Variants in OPCML observed in about 807,000 individuals in gnomAD.
OPCML encodes opioid binding protein/cell adhesion molecule like.
OPCML carries 13 observed loss-of-function variants against 37.8 expected under a neutral mutation model. That is an observed-to-expected ratio of 0.34 (90% CI 0.22 to 0.55). The LOEUF is 0.55. Among genes scored for constraint, OPCML ranks in the 20% least tolerant of loss-of-function variants. The pLI, the probability that OPCML is intolerant of heterozygous loss-of-function variation, is 0.91. For synonymous variants in OPCML, 176 were observed against 168.8 expected, an observed-to-expected ratio of 1.04 and a Z score of -0.33; for missense variants, 341 against 435.6, an observed-to-expected ratio of 0.78 and a Z score of 1.93.
At chr11:132,882,813 A>C (rs542665564) in intron 2 of OPCML, among the ~76,000 whole-genome samples, 2 of 152,204 alleles carry the variant, frequency 1.3e-5, no homozygotes, top group Non-Finnish European at 2.9e-5. Context: ...TGCATAGGCC[A>C]TAAGAGGTTT....
intron 3 of OPCML, among the ~76,000 whole-genome samples, chr11:132,561,706 T>C (rs964092891): frequency 6.6e-6 from 1 of 152,240 alleles, no homozygotes; most frequent in African/African-American, 2.4e-5. Context: ...TTTCTGTGAA[T>C]TTAAATTCTG....
chr11:133,046,295 T>C (rs191690218), intron 1 of OPCML, among the ~76,000 whole-genome samples: 2 of 152,292 alleles, frequency 1.3e-5, no homozygotes, highest in African/African-American at 4.8e-5. Flanking sequence ...GGCAGTGTGT[T>C]TACAGAGACA....
chr11:132,965,458 A>G (rs1946193037), intron 1 of OPCML, among the ~76,000 whole-genome samples: 1 of 152,062 alleles, frequency 6.6e-6, no homozygotes, highest in African/African-American at 2.4e-5. Flanking sequence ...AATTTCTGGG[A>G]ATTTAGCTAT....
chr11:133,102,423 A>G (rs886880049), intron 1 of OPCML, among the ~76,000 whole-genome samples: 8 of 152,220 alleles, frequency 5.3e-5, no homozygotes, highest in African/African-American at 1.9e-4. Flanking sequence ...GCTCTTAAAC[A>G]TCTACTATTC....
Position 132,542,724 on chromosome 11 carries a change from G to C in OPCML, c.380-13538C>G, listed in dbSNP as rs116501433. Among the ~76,000 whole-genome samples, 1,201 of 152,274 alleles carry C rather than the reference G, an allele frequency of 7.9e-3. 20 individuals carry two copies. The highest frequency in any genetic ancestry group is 0.028 in the African/African-American group (1,155 of 41,568). Reference sequence around the variant, plus strand: ...CATGAGTAGCAATGCTGGGGCCCAGGGGGTGTCTCAACTGAGCTGGCTGCC... The same window carrying C: ...CATGAGTAGCAATGCTGGGGCCCAGCGGGTGTCTCAACTGAGCTGGCTGCC... On this transcript the variant is annotated intron_variant, in intron 3 of 7. Coordinates refer to ENST00000524381, the MANE Select transcript of OPCML (RefSeq NM_001012393.5).
intron 4 of OPCML, among the ~76,000 whole-genome samples, chr11:132,507,452 A>G (rs968338616): frequency 1.3e-5 from 2 of 151,968 alleles, no homozygotes; most frequent in East Asian, 1.9e-4. Context: ...ACTTTGTACA[A>G]TGTTTATATA....
intron 1 of OPCML, among the ~76,000 whole-genome samples, chr11:133,171,169 C>T (rs185513566): frequency 2.0e-5 from 3 of 152,288 alleles, no homozygotes; most frequent in Middle Eastern, 3.4e-3. Context: ...ATCCAAACTC[C>T]CATTTTCTTC....
At chr11:133,145,056 A>C (rs1432760992) in intron 1 of OPCML, among the ~76,000 whole-genome samples, 1 of 152,240 alleles carries the variant, frequency 6.6e-6, no homozygotes, top group Non-Finnish European at 1.5e-5. Context: ...GGGAATCAGC[A>C]GAAAACGGCA....
At chr11:132,981,132 C>T (rs1317156064) in intron 1 of OPCML, among the ~76,000 whole-genome samples, 2 of 152,192 alleles carry the variant, frequency 1.3e-5, no homozygotes, top group East Asian at 3.8e-4. Flanking sequence ...TTGATCCAAA[C>T]GTCGTTACGC....
Position 133,480,641 on chromosome 11 carries a change from A to G in OPCML, c.61+51623T>C, listed in dbSNP as rs931627908. On this transcript the variant is annotated intron_variant, in intron 1 of 7. Coordinates refer to ENST00000524381, the MANE Select transcript of OPCML (RefSeq NM_001012393.5). ...TGGATTAAACCTCCTATCATGCATG[A>G]AACTCTTTCTGACCCCTTTTCTGTA... is the stretch of plus-strand genomic sequence containing the variant. Among the ~76,000 whole-genome samples, 6 of 152,338 alleles carry G rather than the reference A, an allele frequency of 3.9e-5. No individual in the cohort carries two copies. The South Asian group carries it at 8.3e-4, about 21-fold the overall frequency.
rs138561096 is a variant in OPCML at position 132,837,269 on chromosome 11, C to T, written c.146+105657G>A. On this transcript the variant is annotated intron_variant, in intron 2 of 7. Coordinates refer to ENST00000524381, the MANE Select transcript of OPCML (RefSeq NM_001012393.5). The stretch of plus-strand genomic sequence containing the variant: ...GCAGAGGTTGCGGTGACCGAGATCG[C>T]GCCATTGCACTCCAGCCTGGGCAAC... 1.5e-3 allele frequency among the ~76,000 whole-genome samples: 230 copies of T among 152,140 alleles called. 1 individual carries two copies. Among genetic ancestry groups the T allele is most frequent in the African/African-American group, 5.2e-3 (217 of 41,494 alleles).
At chr11:132,910,285 G>T (rs1472933859) in intron 2 of OPCML, among the ~76,000 whole-genome samples, 1 of 152,232 alleles carries the variant, frequency 6.6e-6, no homozygotes, top group African/African-American at 2.4e-5. Flanking sequence ...ATATTCGCCG[G>T]CCATTATGCC....
chr11:133,469,992 T>C (rs1947068316), intron 1 of OPCML, among the ~76,000 whole-genome samples: 1 of 152,210 alleles, frequency 6.6e-6, no homozygotes, highest in Admixed American at 6.5e-5. Flanking sequence ...TGCCTTACAG[T>C]AGTCATCATT....
chr11:133,140,189 T>TAATAATAAC (rs1360213476), intron 1 of OPCML, among the ~76,000 whole-genome samples: 2 of 124,608 alleles, frequency 1.6e-5, no homozygotes, highest in African/African-American at 3.3e-5. Flanking sequence ...TCCGTCTCAA[T>TAATAATAAC]AATAATAATA....
intron 1 of OPCML, among the ~76,000 whole-genome samples, chr11:133,451,747 C>A (rs1227106105): frequency 6.6e-6 from 1 of 150,420 alleles, no homozygotes; most frequent in Non-Finnish European, 1.5e-5. Context: ...GAGGCTGAGG[C>A]AGGAGAATTG....
In OPCML at chr11:133,532,281, G is replaced by A; in HGVS notation, c.44C>T (p.Ala15Val). The A allele has an allele frequency of 1.2e-6, 2 of 1,614,026 alleles. No homozygotes were observed. Among genetic ancestry groups the A allele is most frequent in the Non-Finnish European group, 1.7e-6 (2 of 1,179,988 alleles). Reference protein sequence around the residue: ...AYWVVFSATTALLFIPGVPVR... With the variant: ...AYWVVFSATTVLLFIPGVPVR... ...TACGGTACCTGGGATGAAGAGCAGGGCAGTTGTCGCCGAGAAGACGACCCA... is the reference window on the plus strand; with the variant it reads ...TACGGTACCTGGGATGAAGAGCAGGACAGTTGTCGCCGAGAAGACGACCCA... The change falls in exon 1 of 8, where the codon GCC becomes GTC. Residue 15 changes from alanine to valine, a missense_variant. Physicochemically the swap from Ala to Val is moderately conservative, Grantham distance 64. Coordinates refer to ENST00000524381, the MANE Select transcript of OPCML (RefSeq NM_001012393.5).
chr11:133,059,752 T>A (rs961846513), intron 1 of OPCML, among the ~76,000 whole-genome samples: 1 of 152,206 alleles, frequency 6.6e-6, no homozygotes, highest in Non-Finnish European at 1.5e-5. Context: ...GCCACTGTTT[T>A]CATGGAGCAC....
At chr11:133,307,132 A>G (rs2136581806) in intron 1 of OPCML, among the ~76,000 whole-genome samples, 1 of 152,240 alleles carries the variant, frequency 6.6e-6, no homozygotes, top group South Asian at 2.1e-4. Context: ...TTTCATAGGC[A>G]TAGCACTTCA....
chr11:133,318,391 C>T (rs1316644513), intron 1 of OPCML, among the ~76,000 whole-genome samples: 2 of 152,140 alleles, frequency 1.3e-5, no homozygotes, highest in African/African-American at 4.8e-5. Flanking sequence ...TCCACCATCC[C>T]CCAGATGACG....
Sources: gnomAD v4.1 joint callset for allele counts (sites outside exome capture counted in the v4.1 genomes callset) on GRCh38, gnomAD v4.1.1 for gene constraint, MANE v1.5 for transcripts, NCBI Gene and HGNC (gene_info 2026-07-23, HGNC 2026-07-21) for gene names.